TAB2: variants seen among roughly 807,000 people sequenced by gnomAD.
The protein encoded by TAB2 is TGF-beta activated kinase 1 (MAP3K7) binding protein 2, also known as TGF-beta-activated kinase 1 and MAP3K7-binding protein 2.
TAB2 carries 3 observed loss-of-function variants against 65.0 expected under a neutral mutation model. That is an observed-to-expected ratio of 0.05 (90% CI 0.02 to 0.12). The LOEUF (loss-of-function observed/expected upper bound fraction) is 0.12, where lower values mean the gene tolerates loss of function less well. Among genes scored for constraint, TAB2 ranks in the 10% least tolerant of loss-of-function variants. TAB2 has a pLI of 1.00. For synonymous variants in TAB2, 298 were observed against 285.1 expected (o/e 1.05, Z -0.46); for missense variants, 623 against 840.3 (o/e 0.74, Z 3.20).
rs1480513351 is a variant in TAB2 at position 149,379,061 on chromosome 6, T to C, written c.1146T>C (p.Arg382=). ...SPPNTDELMS[R]SQPKVYISAN... is the part of the protein sequence containing the mutation. Reference sequence around the variant, plus strand: ...CAAATACGGATGAGCTGATGTCCCGTAGTCAACCTAAGGTCTATATTTCAG... The same window carrying C: ...CAAATACGGATGAGCTGATGTCCCGCAGTCAACCTAAGGTCTATATTTCAG... The change falls in exon 3 of 7, where the codon CGT becomes CGC. Residue 382 remains arginine, a synonymous_variant. Coordinates refer to ENST00000637181, the MANE Select transcript of TAB2 (RefSeq NM_001292034.3). The C allele has an allele frequency of 2.5e-6, 4 of 1,614,150 alleles. No homozygotes were observed. Among genetic ancestry groups the C allele is most frequent in the Non-Finnish European group, 3.4e-6 (4 of 1,180,030 alleles).
intron 1 of TAB2, among the ~76,000 whole-genome samples, chr6:149,333,281 C>T (rs939321031): frequency 1.3e-5 from 2 of 152,170 alleles, no homozygotes; most frequent in East Asian, 1.9e-4. Context: ...TACATAGCAG[C>T]GTCACCAACC....
chr6:149,225,494 A>G (rs771586734), intron 1 of TAB2, among the ~76,000 whole-genome samples: 5 of 152,234 alleles, frequency 3.3e-5, no homozygotes, highest in Non-Finnish European at 7.3e-5. Flanking sequence ...CCCATGGAAT[A>G]CCAGGCAGAA....
At chr6:149,230,080 T>C (rs1020185317) in intron 1 of TAB2, 1 of 152,210 alleles carries the variant, frequency 6.6e-6, no homozygotes, top group African/African-American at 2.4e-5. Context: ...GGACTTTGTG[T>C]CGTGAAATCT....
chr6:149,250,321 T>C (rs1234843607), intron 1 of TAB2, among the ~76,000 whole-genome samples: 3 of 152,138 alleles, frequency 2.0e-5, no homozygotes, highest in Non-Finnish European at 2.9e-5. Context: ...TTTTTTTCTT[T>C]TGAGAAGGAG....
At chr6:149,345,698 C>T (rs1000416939) in intron 1 of TAB2, among the ~76,000 whole-genome samples, 2 of 152,078 alleles carry the variant, frequency 1.3e-5, no homozygotes, top group Non-Finnish European at 2.9e-5. Flanking sequence ...ATAAAAATAT[C>T]TGTTTAAAAT....
At chr6:149,368,841 G>C (rs1318701318) in intron 1 of TAB2, among the ~76,000 whole-genome samples, 1 of 152,132 alleles carries the variant, frequency 6.6e-6, no homozygotes, top group African/African-American at 2.4e-5. Flanking sequence ...TACTATATAA[G>C]TGAGCGCTTA....
rs558735382 is a variant in TAB2, at chr6:149,266,675, T to A, written c.-121+47899T>A. On this transcript the variant is annotated intron_variant, in intron 1 of 1. Transcript: ENST00000606202. Reference sequence around the variant, plus strand: ...CAGGCACCCTGACCAAATTGGTTCGTGAACCTAGCAAGCCAAGAGCTAGAG... The same window carrying A: ...CAGGCACCCTGACCAAATTGGTTCGAGAACCTAGCAAGCCAAGAGCTAGAG... Among the ~76,000 whole-genome samples the A allele has an allele frequency of 1.7e-4, 26 of 152,288 alleles. No homozygotes were observed. The East Asian group carries it at 4.8e-3, about 28-fold the overall frequency.
intron 1 of TAB2, among the ~76,000 whole-genome samples, chr6:149,271,778 CT>C: frequency 6.6e-6 from 1 of 152,252 alleles, no homozygotes; most frequent in South Asian, 2.1e-4. Context: ...AAAATCAGAT[CT>C]TCTTACTCAT....
chr6:149,340,584 T>C (rs1166252202), intron 1 of TAB2, among the ~76,000 whole-genome samples: 1 of 152,160 alleles, frequency 6.6e-6, no homozygotes, highest in Non-Finnish European at 1.5e-5. Context: ...TAATGAGATT[T>C]CAGTATGATG....
Position 149,268,572 on chromosome 6 carries a change from C to T in TAB2, c.-121+49796C>T, listed in dbSNP as rs550780000. ...GAGATCCTTGCATTGGATAAATTCT[C>T]GGAGCAATTGGACTTAGTGTAACAT... On this transcript the variant is annotated intron_variant, in intron 1 of 1. Coordinates refer to the TAB2 transcript ENST00000606202. Among the ~76,000 whole-genome samples the T allele has an allele frequency of 8.5e-5, 13 of 152,260 alleles. No homozygotes were observed. In the South Asian group the frequency reaches 1.0e-3, roughly 12 times the overall value.
intron 1 of TAB2, among the ~76,000 whole-genome samples, chr6:149,333,362 C>T (rs1229407124): frequency 6.6e-6 from 1 of 152,136 alleles, no homozygotes; most frequent in African/African-American, 2.4e-5. Flanking sequence ...TCTGCAAATT[C>T]GTCTAAACTT....
Position 149,403,337 on chromosome 6 carries a change from TATACACACACACACACAC to T in TAB2, c.1939+4155_1939+4172del, listed in dbSNP as rs1782543772. On this transcript the variant is annotated intron_variant, in intron 6 of 6. Transcript: ENST00000637181. ...ATACACACACATATATATACATATA[TATACACACACACACACAC>T]ACACACACACACACACACATACACA... Among the ~76,000 whole-genome samples, 5 of 51,498 alleles carry T rather than the reference TATACACACACACACACAC, an allele frequency of 9.7e-5. No homozygotes were observed. In the East Asian group the frequency reaches 1.1e-3, roughly 11 times the overall value. The allele number at this position is 51,498 out of a possible 152,430, so 33.8% of individuals were successfully genotyped here. A position where few individuals can be genotyped will look rare whatever the true frequency, so the allele number is the denominator to read the frequency against.
rs1243756726 is a variant in TAB2, at chr6:149,286,960, T to C, written c.-121+68184T>C. Reference sequence around the variant, plus strand: ...GCAAAACCCCGTTTCTACTAAAAAATAAAAAAATTAGCCAAGAATGGTGGT... The same window carrying C: ...GCAAAACCCCGTTTCTACTAAAAAACAAAAAAATTAGCCAAGAATGGTGGT... On this transcript the variant is annotated intron_variant, in intron 1 of 1. Transcript: ENST00000606202. Among the ~76,000 whole-genome samples the C allele has an allele frequency of 2.0e-5, 3 of 151,682 alleles. 1 individual carries two copies. Among genetic ancestry groups the C allele is most frequent in the African/African-American group, 7.3e-5 (3 of 41,282 alleles).
chr6:149,383,168 G>GA (rs901181075), intron 3 of TAB2, among the ~76,000 whole-genome samples: 2 of 148,394 alleles, frequency 1.3e-5, no homozygotes, highest in Admixed American at 6.7e-5. Flanking sequence ...AAATAAAGAA[G>GA]AAAAAAAAAG....
chr6:149,225,772 A>G (rs1425773494), intron 1 of TAB2, among the ~76,000 whole-genome samples: 1 of 152,190 alleles, frequency 6.6e-6, no homozygotes, highest in Non-Finnish European at 1.5e-5. Context: ...GAGGCTGTGA[A>G]TGAAAATGTA....
intron 1 of TAB2, among the ~76,000 whole-genome samples, chr6:149,249,061 T>C (rs1777800631): frequency 1.3e-5 from 2 of 151,954 alleles, no homozygotes; most frequent in Middle Eastern, 3.2e-3. Flanking sequence ...TCTTGGCTCA[T>C]CTAGTTTCAA....
intron 3 of TAB2, among the ~76,000 whole-genome samples, chr6:149,389,818 TGCAGAATCTTAATTATGTAAAATAAAG>T (rs1163563141): frequency 6.6e-6 from 1 of 152,204 alleles, no homozygotes; most frequent in Non-Finnish European, 1.5e-5. Context: ...TAAGATTACA[TGCAGAATCTTAATTATGTAAAATAAAG>T]GCCAGCAAAT....
intron 1 of TAB2, among the ~76,000 whole-genome samples, chr6:149,250,765 C>T (rs1777842398): frequency 6.6e-6 from 1 of 152,190 alleles, no homozygotes; most frequent in Admixed American, 6.5e-5. Context: ...ATTGATGAGG[C>T]TATCCTTTCC....
At chr6:149,243,177 A>G (rs1177823742) in intron 1 of TAB2, 2 of 152,318 alleles carry the variant, frequency 1.3e-5, no homozygotes, top group East Asian at 3.9e-4. Flanking sequence ...TCTATGTCCA[A>G]TCATGGAAGC....
Sources: allele counts gnomAD v4.1 joint callset (sites outside exome capture counted in the v4.1 genomes callset), GRCh38; gene constraint gnomAD v4.1.1; transcripts MANE v1.5; gene names NCBI Gene and HGNC (gene_info 2026-07-23, HGNC 2026-07-21).